The following CACNG3 variants were observed in gnomAD, a reference collection of about 807,000 sequenced individuals.
CACNG3 encodes the protein calcium voltage-gated channel auxiliary subunit gamma 3, also known as voltage-dependent calcium channel gamma-3 subunit.
CACNG3 carries 3 observed loss-of-function variants against 28.5 expected under a neutral mutation model. The ratio of observed to expected loss-of-function variants is 0.11; its 90% CI spans 0.05 to 0.27. CACNG3 has a LOEUF of 0.27. Among genes scored for constraint, CACNG3 ranks in the 10% least tolerant of loss-of-function variants. CACNG3 has a pLI of 1.00. For missense variants in CACNG3, 236 were observed against 414.4 expected (o/e 0.57, Z 3.74); for synonymous variants, 174 against 162.2 (o/e 1.07, Z -0.55).
At chr16:24,314,474 T>G (rs374407441) in intron 1 of CACNG3, among the ~76,000 whole-genome samples, 2 of 152,116 alleles carry the variant, frequency 1.3e-5, no homozygotes, top group Non-Finnish European at 2.9e-5. Flanking sequence ...TTTCTCCCAA[T>G]GCACCTTGAT....
chr16:24,348,555 T>C (rs899452299), intron 2 of CACNG3, among the ~76,000 whole-genome samples: 3 of 152,218 alleles, frequency 2.0e-5, no homozygotes, highest in African/African-American at 2.4e-5. Context: ...CTCATTGTAA[T>C]GTCTCTCTGG....
At chr16:24,276,952 A>G (rs1419955810) in intron 1 of CACNG3, among the ~76,000 whole-genome samples, 1 of 152,232 alleles carries the variant, frequency 6.6e-6, no homozygotes, top group Non-Finnish European at 1.5e-5. Flanking sequence ...ATAATTAAAG[A>G]CACTGTGGGT....
intron 1 of CACNG3, among the ~76,000 whole-genome samples, chr16:24,259,747 A>G (rs1385190761): frequency 3.9e-5 from 6 of 152,184 alleles, no homozygotes; most frequent in Non-Finnish European, 5.9e-5. Context: ...ACCAGGTTTT[A>G]CCTCAATATA....
intron 3 of CACNG3, among the ~76,000 whole-genome samples, chr16:24,356,179 T>C (rs1240007113): frequency 6.6e-6 from 1 of 151,782 alleles, no homozygotes; most frequent in Non-Finnish European, 1.5e-5. Flanking sequence ...AAGAACAGGG[T>C]AGGGATGGGG....
chr16:24,307,377 C>T lies in CACNG3; in HGVS notation c.212-39357C>T, dbSNP rs1899199458. Among the ~76,000 whole-genome samples the T allele has an allele frequency of 2.0e-5, 3 of 152,118 alleles. No homozygotes were observed. The South Asian group carries it at 6.2e-4, about 32-fold the overall frequency. On this transcript the variant is annotated intron_variant, in intron 1 of 3. Transcript: ENST00000005284. ...CCTCAAGTGATCCACCCACCTCAGCCTCCCAAAGTGCTAGGATTACAGACA... is the reference window on the plus strand; with the variant it reads ...CCTCAAGTGATCCACCCACCTCAGCTTCCCAAAGTGCTAGGATTACAGACA...
At chr16:24,258,367 T>C (rs1478704866) in intron 1 of CACNG3, among the ~76,000 whole-genome samples, 1 of 152,222 alleles carries the variant, frequency 6.6e-6, no homozygotes, top group African/African-American at 2.4e-5. Context: ...CTACCTTTAA[T>C]GCAGCAAGGA....
Position 24,323,680 on chromosome 16 carries a change from A to T in CACNG3, c.212-23054A>T, listed in dbSNP as rs756323722. On this transcript the variant is annotated intron_variant, in intron 1 of 3. Transcript: ENST00000005284. Reference sequence around the variant, plus strand: ...CCACAGGTTGATACTAATAAATATAATAGACAAATGGAGTCATTACCTTTG... The same window carrying T: ...CCACAGGTTGATACTAATAAATATATTAGACAAATGGAGTCATTACCTTTG... 3.0e-4 allele frequency among the ~76,000 whole-genome samples: 45 copies of T among 152,350 alleles called. 1 individual carries two copies. Among genetic ancestry groups the T allele is most frequent in the South Asian group, 4.1e-4 (2 of 4,820 alleles).
intron 1 of CACNG3, among the ~76,000 whole-genome samples, chr16:24,261,414 T>G (rs1898536044): frequency 1.3e-5 from 2 of 152,170 alleles, no homozygotes; most frequent in Admixed American, 1.3e-4. Flanking sequence ...TGGCCCAATA[T>G]TCCAAGTAAA....
intron 1 of CACNG3, among the ~76,000 whole-genome samples, chr16:24,282,163 G>A (rs1898836922): frequency 6.6e-6 from 1 of 152,158 alleles, no homozygotes; most frequent in Non-Finnish European, 1.5e-5. Flanking sequence ...CGGGAAGCAC[G>A]ATCTCCATTT....
At chr16:24,290,181 GTTT>G (rs897911537) in intron 1 of CACNG3, among the ~76,000 whole-genome samples, 2 of 152,094 alleles carry the variant, frequency 1.3e-5, no homozygotes, top group Non-Finnish European at 2.9e-5. Flanking sequence ...TTATTTATTT[GTTT>G]TTTTATTTGT....
chr16:24,285,692 A>G (rs772019920), intron 1 of CACNG3, among the ~76,000 whole-genome samples: 9 of 151,950 alleles, frequency 5.9e-5, no homozygotes, highest in Non-Finnish European at 1.2e-4. Flanking sequence ...GTGTAAAATA[A>G]GTAATTATAT....
intron 1 of CACNG3, among the ~76,000 whole-genome samples, chr16:24,323,479 C>A (rs990198781): frequency 6.6e-6 from 1 of 152,104 alleles, no homozygotes; most frequent in African/African-American, 2.4e-5. Flanking sequence ...AGCATTACAC[C>A]TATTTTAAAC....
intron 1 of CACNG3, among the ~76,000 whole-genome samples, chr16:24,297,734 G>A (rs1295713104): frequency 6.6e-6 from 1 of 151,878 alleles, no homozygotes; most frequent in Non-Finnish European, 1.5e-5. Context: ...TGGATGGGGA[G>A]GGGGTGCTGT....
chr16:24,348,207 G>C (rs1032036819), intron 2 of CACNG3, among the ~76,000 whole-genome samples: 1 of 151,896 alleles, frequency 6.6e-6, no homozygotes, highest in Admixed American at 6.6e-5. Context: ...AGACCAGTCT[G>C]GGCAACATAT....
At chr16:24,292,185 G>A (rs1898976326) in intron 1 of CACNG3, among the ~76,000 whole-genome samples, 2 of 152,102 alleles carry the variant, frequency 1.3e-5, no homozygotes, top group African/African-American at 4.8e-5. Context: ...ATTTGAATAT[G>A]CATGTACTGT....
At chr16:24,304,249 A>C (rs566057181) in intron 1 of CACNG3, among the ~76,000 whole-genome samples, 3 of 152,292 alleles carry the variant, frequency 2.0e-5, no homozygotes, top group Non-Finnish European at 4.4e-5. Flanking sequence ...ATGGGAAAAA[A>C]TAGATTTTTT....
chr16:24,330,755 C>G (rs1303272952), intron 1 of CACNG3, among the ~76,000 whole-genome samples: 2 of 152,152 alleles, frequency 1.3e-5, no homozygotes, highest in African/African-American at 4.8e-5. Context: ...ACCCTTCTCC[C>G]CAGAAGCTCC....
intron 1 of CACNG3, among the ~76,000 whole-genome samples, chr16:24,257,367 G>GGT (rs1898473831): frequency 9.2e-5 from 10 of 108,516 alleles, no homozygotes; most frequent in Non-Finnish European, 1.2e-4. Context: ...GAAGTGAGGG[G>GGT]GGAGAGAGAG....
intron 1 of CACNG3, among the ~76,000 whole-genome samples, chr16:24,259,011 A>G (rs1286917336): frequency 1.3e-5 from 2 of 152,220 alleles, no homozygotes; most frequent in Non-Finnish European, 2.9e-5. Context: ...AGTTTGTACA[A>G]GGAATTGAAA....
Sources: allele counts gnomAD v4.1 joint callset (sites outside exome capture counted in the v4.1 genomes callset), GRCh38; gene constraint gnomAD v4.1.1; transcripts MANE v1.5; gene names NCBI Gene and HGNC (gene_info 2026-07-23, HGNC 2026-07-21).